Variants in LPAR3 observed in about 807,000 individuals in gnomAD.
LPAR3 encodes the protein lysophosphatidic acid receptor 3.
In LPAR3, 7 loss-of-function variants were observed where a neutral mutation model predicts 17.8. The observed-to-expected ratio is 0.39, with a 90% CI of 0.22 to 0.74. The LOEUF (loss-of-function observed/expected upper bound fraction) is 0.74. Ranked by LOEUF, LPAR3 falls within the 30% of genes least tolerant of loss-of-function variation. LPAR3 has a pLI of 0.40. For synonymous variants in LPAR3, 179 were observed against 179.9 expected, an observed-to-expected ratio of 0.99 and a Z score of 0.04; for missense variants, 391 against 453.4, an observed-to-expected ratio of 0.86 and a Z score of 1.25.
At chr1:84,870,723 T>G (rs1293685523) in intron 1 of LPAR3, among the ~76,000 whole-genome samples, 1 of 152,208 alleles carries the variant, frequency 6.6e-6, no homozygotes, top group Non-Finnish European at 1.5e-5. Context: ...TTGAGAAAAC[T>G]GAAGCACCCT....
At chr1:84,837,084 G>A (rs1659419477) in intron 2 of LPAR3, among the ~76,000 whole-genome samples, 2 of 150,010 alleles carry the variant, frequency 1.3e-5, no homozygotes, top group Middle Eastern at 3.5e-3. Context: ...AAGTGCAATG[G>A]TGCAATGGCT....
intron 2 of LPAR3, among the ~76,000 whole-genome samples, chr1:84,816,259 AC>A (rs1392668756): frequency 6.6e-6 from 1 of 152,134 alleles, no homozygotes; most frequent in Admixed American, 6.5e-5. Flanking sequence ...TAGCCATACC[AC>A]CCGATAATTG....
At chr1:84,869,830 G>C (rs933438711) in intron 1 of LPAR3, among the ~76,000 whole-genome samples, 1 of 152,186 alleles carries the variant, frequency 6.6e-6, no homozygotes, top group African/African-American at 2.4e-5. Context: ...CATATGTTCA[G>C]TTTATTCTTA....
intron 2 of LPAR3, among the ~76,000 whole-genome samples, chr1:84,836,076 C>A (rs1378012116): frequency 7.5e-6 from 1 of 133,420 alleles, no homozygotes; most frequent in Non-Finnish European, 1.5e-5. Flanking sequence ...GTGGCTCACA[C>A]CTGTAATCCC....
At chr1:84,832,632 T>TATA (rs1349673964) in intron 2 of LPAR3, among the ~76,000 whole-genome samples, 3 of 152,116 alleles carry the variant, frequency 2.0e-5, no homozygotes, top group Non-Finnish European at 4.4e-5. Context: ...ATATGTAACA[T>TATA]ATAAATACAC....
intron 2 of LPAR3, among the ~76,000 whole-genome samples, chr1:84,857,900 T>C (rs910869768): frequency 2.0e-5 from 3 of 152,154 alleles, no homozygotes; most frequent in African/African-American, 4.8e-5. Flanking sequence ...AAATAAAACA[T>C]ATAAGTTACT....
intron 1 of LPAR3, among the ~76,000 whole-genome samples, chr1:84,866,986 A>G (rs1036955076): frequency 2.0e-5 from 3 of 152,174 alleles, no homozygotes; most frequent in African/African-American, 7.2e-5. Context: ...TGAGATTTGG[A>G]ATTGGGGCAG....
intron 1 of LPAR3, among the ~76,000 whole-genome samples, chr1:84,878,231 C>G (rs924179303): frequency 1.4e-4 from 21 of 151,924 alleles, no homozygotes; most frequent in Non-Finnish European, 2.6e-4. Context: ...GTTTACAGTC[C>G]TTATTTTCTT....
At chr1:84,831,631 A>G (rs1659285087) in intron 2 of LPAR3, among the ~76,000 whole-genome samples, 2 of 151,904 alleles carry the variant, frequency 1.3e-5, no homozygotes, top group African/African-American at 4.8e-5. Context: ...AGTACAAGTA[A>G]CTTTTTAAAT....
intron 1 of LPAR3, among the ~76,000 whole-genome samples, chr1:84,885,871 T>C (rs961054527): frequency 6.6e-6 from 1 of 152,200 alleles, no homozygotes; most frequent in Admixed American, 6.5e-5. Context: ...AGAGAAGATA[T>C]GTACAAACAT....
Position 84,887,944 on chromosome 1 carries a change from A to C in LPAR3, c.-19+5072T>G, listed in dbSNP as rs1292016943. 2.0e-5 allele frequency among the ~76,000 whole-genome samples: 3 copies of C among 152,096 alleles called. No individual in the cohort carries two copies. In the East Asian group the frequency reaches 5.8e-4, roughly 29 times the overall value. On this transcript the variant is annotated intron_variant, in intron 1 of 2. Coordinates refer to ENST00000370611, the MANE Select transcript of LPAR3 (RefSeq NM_012152.3). ...TTTGGGGGATAACTGACGAAATAGG[A>C]ATGGGCTCTGTGGATTGGATGATAG...
intron 2 of LPAR3, among the ~76,000 whole-genome samples, chr1:84,855,035 G>A (rs984580659): frequency 6.6e-6 from 1 of 152,122 alleles, no homozygotes; most frequent in Non-Finnish European, 1.5e-5. Flanking sequence ...TGGGCTGGAG[G>A]GACAACTGTC....
chr1:84,866,887 A>G (rs1660061329), intron 1 of LPAR3, among the ~76,000 whole-genome samples: 1 of 152,190 alleles, frequency 6.6e-6, no homozygotes, highest in Non-Finnish European at 1.5e-5. Context: ...CTCCTAACCC[A>G]AACTGTACCA....
chr1:84,847,552 C>G (rs1450136913), intron 2 of LPAR3, among the ~76,000 whole-genome samples: 2 of 152,220 alleles, frequency 1.3e-5, no homozygotes, highest in African/African-American at 4.8e-5. Context: ...GCCCAGGAAG[C>G]AAGTCCAGCT....
intron 1 of LPAR3, among the ~76,000 whole-genome samples, chr1:84,887,904 C>T (rs1397241447): frequency 6.6e-6 from 1 of 152,112 alleles, no homozygotes; most frequent in Non-Finnish European, 1.5e-5. Context: ...CTAGATCAGA[C>T]AGGTAGAAGA....
At chr1:84,866,217 G>A (rs1021271009) in intron 1 of LPAR3, 79 bp from the exon 2 acceptor site, 41 of 1,112,660 alleles carry the variant, frequency 3.7e-5, no homozygotes, top group Admixed American at 4.7e-5. Flanking sequence ...TTCTAAGCCC[G>A]TTCTGGCTAA....
chr1:84,886,329 A>G (rs1660460371), intron 1 of LPAR3, among the ~76,000 whole-genome samples: 1 of 152,164 alleles, frequency 6.6e-6, no homozygotes, highest in Non-Finnish European at 1.5e-5. Flanking sequence ...GTTGGAGGCC[A>G]GCCTGGGCAA....
chr1:84,861,236 C>T (rs1366066182), intron 2 of LPAR3, among the ~76,000 whole-genome samples: 1 of 152,164 alleles, frequency 6.6e-6, no homozygotes, highest in Non-Finnish European at 1.5e-5. Context: ...AATATACTAT[C>T]ATTTGGGAGA....
chr1:84,875,643 C>T (rs1211217814), intron 1 of LPAR3, among the ~76,000 whole-genome samples: 1 of 152,184 alleles, frequency 6.6e-6, no homozygotes, highest in Non-Finnish European at 1.5e-5. Flanking sequence ...TTATAAATTA[C>T]CCAGTCTCTG....
Sources: allele counts gnomAD v4.1 joint callset (sites outside exome capture counted in the v4.1 genomes callset), GRCh38; gene constraint gnomAD v4.1.1; transcripts MANE v1.5; gene names NCBI Gene and HGNC (gene_info 2026-07-23, HGNC 2026-07-21).